Variants in TTC6 observed in about 807,000 individuals in gnomAD.
TTC6 encodes the protein tetratricopeptide repeat protein 6.
Under a neutral mutation model 210.4 loss-of-function variants are expected in TTC6, and 172 were observed. The observed-to-expected ratio is 0.82, with a 90% CI of 0.72 to 0.93. The LOEUF (loss-of-function observed/expected upper bound fraction) is 0.93, where lower values mean the gene tolerates loss of function less well. Ranked by LOEUF, TTC6 falls within the 40% of genes least tolerant of loss-of-function variation. The pLI, the probability that TTC6 is intolerant of heterozygous loss-of-function variation, is 0.00. For synonymous variants in TTC6, 804 were observed against 819.6 expected, an observed-to-expected ratio of 0.98 and a Z score of 0.32; for missense variants, 2,414 against 2,318.1, an observed-to-expected ratio of 1.04 and a Z score of -0.85.
chr14:37,776,241 G>T (rs1299943413), intron 14 of TTC6, among the ~76,000 whole-genome samples: 1 of 20,902 alleles, frequency 4.8e-5, no homozygotes, highest in African/African-American at 1.3e-4. Flanking sequence ...TAGTAGAGAC[G>T]GGGTTTGGGT....
chr14:37,690,424 C>T (rs2095801422), intron 3 of TTC6, among the ~76,000 whole-genome samples: 1 of 152,006 alleles, frequency 6.6e-6, no homozygotes, highest in Non-Finnish European at 1.5e-5. Context: ...AATCAATAGA[C>T]ACAGAGTGGC....
intron 1 of TTC6, among the ~76,000 whole-genome samples, chr14:37,679,082 G>A (rs547879266): frequency 2.4e-4 from 37 of 152,130 alleles, no homozygotes; most frequent in African/African-American, 7.9e-4. Flanking sequence ...TTAGTTGAGC[G>A]TTGTGGTATG....
At chr14:37,830,939 TATTTCAA>T (rs2096183411) in intron 29 of TTC6, among the ~76,000 whole-genome samples, 1 of 152,154 alleles carries the variant, frequency 6.6e-6, no homozygotes, top group Non-Finnish European at 1.5e-5. Context: ...ATGATGAGAA[TATTTCAA>T]ATCGTCTAGC....
chr14:37,734,861 T>C (rs1365970991), intron 7 of TTC6, among the ~76,000 whole-genome samples: 2 of 152,206 alleles, frequency 1.3e-5, no homozygotes, highest in East Asian at 1.9e-4. Context: ...TTCCACAGTT[T>C]TGATATCTAT....
intron 1 of TTC6, among the ~76,000 whole-genome samples, chr14:37,632,872 G>A (rs902055697): frequency 3.3e-5 from 5 of 152,212 alleles, no homozygotes; most frequent in African/African-American, 1.2e-4. Flanking sequence ...GGTGGGCTCT[G>A]CCCAGTTCGA....
chr14:37,742,837 T>C (rs1298005092), intron 10 of TTC6, among the ~76,000 whole-genome samples: 2 of 152,312 alleles, frequency 1.3e-5, no homozygotes, highest in African/African-American at 2.4e-5. Context: ...CAACCTTCAT[T>C]CACTAGATCC....
At chr14:37,753,715 T>G (rs1306232898) in intron 14 of TTC6, among the ~76,000 whole-genome samples, 2 of 151,458 alleles carry the variant, frequency 1.3e-5, no homozygotes, top group Non-Finnish European at 2.9e-5. Flanking sequence ...ACTACAAGGC[T>G]GTGCTTCCAC....
At chr14:37,715,086 T>G (rs1015057572) in intron 6 of TTC6, among the ~76,000 whole-genome samples, 30 of 152,106 alleles carry the variant, frequency 2.0e-4, no homozygotes, top group African/African-American at 7.0e-4. Context: ...AGGGAATCAC[T>G]TGAGCCCAGG....
At chr14:37,806,127 T>G (rs1054702415) in intron 21 of TTC6, among the ~76,000 whole-genome samples, 1 of 152,232 alleles carries the variant, frequency 6.6e-6, no homozygotes, top group African/African-American at 2.4e-5. Context: ...TATTGTAATC[T>G]AACAATATGG....
intron 14 of TTC6, among the ~76,000 whole-genome samples, chr14:37,770,020 T>A: frequency 6.6e-6 from 1 of 152,216 alleles, no homozygotes; most frequent in Non-Finnish European, 1.5e-5. Context: ...TCCCGTTGGT[T>A]TCAAAGAACA....
chr14:37,627,222 C>G (rs2095661880), intron 1 of TTC6, among the ~76,000 whole-genome samples: 1 of 152,166 alleles, frequency 6.6e-6, no homozygotes, highest in Non-Finnish European at 1.5e-5. Flanking sequence ...GCATCCCGTA[C>G]AGCCTGTAGA....
chr14:37,739,340 G>A (rs2095911175), intron 10 of TTC6, among the ~76,000 whole-genome samples, 185 bp downstream of exon 12: 2 of 151,998 alleles, frequency 1.3e-5, no homozygotes, highest in South Asian at 2.1e-4. Context: ...ACTTTGGGAG[G>A]CAGAGGCGGG....
chr14:37,818,943 C>G lies in TTC6; in HGVS notation c.4763+1292C>G, dbSNP rs191335220. On this transcript the variant is annotated intron_variant, in intron 26 of 30. Coordinates refer to ENST00000553443, the Ensembl canonical transcript of TTC6. The stretch of plus-strand genomic sequence containing the variant: ...AAACTAAAAACAGGCTCCAAAACTA[C>G]TCTCTACCTCACTCCTATGTTTAGC... 9.3e-4 allele frequency among the ~76,000 whole-genome samples: 142 copies of G among 152,290 alleles called. 2 individuals are homozygous for G. Among genetic ancestry groups the G allele is most frequent in the African/African-American group, 3.3e-3 (137 of 41,576 alleles).
At chr14:37,685,489 GTCA>G (rs1158136439) in intron 3 of TTC6, among the ~76,000 whole-genome samples, 1 of 152,292 alleles carries the variant, frequency 6.6e-6, no homozygotes, top group East Asian at 1.9e-4. Context: ...AGATAACTCT[GTCA>G]TATGGATGAA....
chr14:37,795,409 TG>T, intron 18 of TTC6, 57 bp downstream of exon 20: 1 of 1,206,148 alleles, frequency 8.3e-7, no homozygotes. Flanking sequence ...AGAAATTGAA[TG>T]GGGATCTTCA....
intron 20 of TTC6, among the ~76,000 whole-genome samples, chr14:37,798,471 G>A (rs1015337569): frequency 3.3e-5 from 5 of 151,752 alleles, no homozygotes; most frequent in Non-Finnish European, 5.9e-5. Context: ...TGACCACCTT[G>A]CTGAACTTGC....
chr14:37,828,203 T>C, intron 29 of TTC6, among the ~76,000 whole-genome samples: 1 of 152,126 alleles, frequency 6.6e-6, no homozygotes, highest in East Asian at 1.9e-4. Context: ...GATGATGATA[T>C]TTTCTATTTT....
chr14:37,724,177 T>C (rs1010613323), intron 6 of TTC6, among the ~76,000 whole-genome samples: 3 of 152,094 alleles, frequency 2.0e-5, no homozygotes, highest in African/African-American at 7.2e-5. Context: ...TAAAAATTAT[T>C]AAATTAAGGC....
chr14:37,792,243 C>A, intron 16 of TTC6, 21 bp from the exon 19 acceptor site: 2 of 1,482,606 alleles, frequency 1.3e-6, no homozygotes, highest in Middle Eastern at 1.7e-4. Context: ...AACAAGATTT[C>A]ACTTTCTCAT....
Sources: gnomAD v4.1 joint callset for allele counts (sites outside exome capture counted in the v4.1 genomes callset) on GRCh38, gnomAD v4.1.1 for gene constraint, MANE v1.5 for transcripts, NCBI Gene and HGNC (gene_info 2026-07-23, HGNC 2026-07-21) for gene names.